Variants in ZNF469 observed in about 807,000 individuals in gnomAD.
ZNF469 encodes zinc finger protein 469.
In ZNF469, 1 loss-of-function variant was observed where a neutral mutation model predicts 1.0. That is an observed-to-expected ratio of 1.00 (90% CI 0.35 to 4.73). ZNF469 has a LOEUF of 4.73. ZNF469 is among the 30% of genes most tolerant of loss of function. ZNF469 has a pLI of 0.16. For synonymous variants in ZNF469, 2,703 were observed against 2,363.4 expected, an observed-to-expected ratio of 1.14 and a Z score of -4.17; for missense variants, 6,100 against 5,356.3, an observed-to-expected ratio of 1.14 and a Z score of -4.33.
the ZNF469 span, among the ~76,000 whole-genome samples, chr16:88,279,623 C>T: frequency 0.098 from 6,251 of 63,696 alleles, 603 homozygotes; most frequent in East Asian, 0.25. Flanking sequence ...GTTAGTGCCG[C>T]GCCACACTGA....
At chr16:88,301,571 G>A in the ZNF469 span, among the ~76,000 whole-genome samples, 1 of 152,232 alleles carries the variant, frequency 6.6e-6, no homozygotes. Flanking sequence ...CGTCAGGCGA[G>A]TAGGGGACAC....
At chr16:88,374,724 G>C in the ZNF469 span, among the ~76,000 whole-genome samples, 1 of 152,142 alleles carries the variant, frequency 6.6e-6, no homozygotes, top group Admixed American at 6.5e-5. Flanking sequence ...CACCATGTGC[G>C]GTGGGCTGAG....
chr16:88,337,712 C>T, the ZNF469 span, among the ~76,000 whole-genome samples: 2 of 152,302 alleles, frequency 1.3e-5, no homozygotes, highest in African/African-American at 2.4e-5. Flanking sequence ...ACCCCACGGG[C>T]GTCAGGGGCA....
the ZNF469 span, among the ~76,000 whole-genome samples, chr16:88,319,814 G>A: frequency 6.6e-6 from 1 of 152,208 alleles, no homozygotes; most frequent in Non-Finnish European, 1.5e-5. Flanking sequence ...TGCCCTACAG[G>A]TGGGACCCTG....
At chr16:88,364,214 A>G in the ZNF469 span, among the ~76,000 whole-genome samples, 16 of 152,200 alleles carry the variant, frequency 1.1e-4, no homozygotes, top group Non-Finnish European at 1.9e-4. Flanking sequence ...TTTACTGAAA[A>G]TACTATCATT....
At chr16:88,193,177 G>C in the ZNF469 span, among the ~76,000 whole-genome samples, 1 of 22,470 alleles carries the variant, frequency 4.5e-5, no homozygotes, top group Non-Finnish European at 8.8e-5. Flanking sequence ...GGTGGGGATG[G>C]TGGTGATGGT....
chr16:88,175,135 T>A, the ZNF469 span, among the ~76,000 whole-genome samples: 1 of 152,190 alleles, frequency 6.6e-6, no homozygotes, highest in East Asian at 1.9e-4. Context: ...CCTGCCAGGA[T>A]AATCTCCCCT....
the ZNF469 span, among the ~76,000 whole-genome samples, chr16:88,261,896 A>T: frequency 6.6e-6 from 1 of 152,220 alleles, no homozygotes; most frequent in South Asian, 2.1e-4. The surrounding 1 kb of genome is among the most constrained non-coding windows in gnomAD (Gnocchi z 6.0). Flanking sequence ...GAGGACTCGG[A>T]GGCCCCCTCT....
At chr16:88,281,626 G>A in the ZNF469 span, among the ~76,000 whole-genome samples, 12 of 150,390 alleles carry the variant, frequency 8.0e-5, no homozygotes, top group African/African-American at 1.5e-4. Context: ...GTGCCACACC[G>A]ATGCTTGGTC....
chr16:88,330,882 G>A, the ZNF469 span, among the ~76,000 whole-genome samples: 1 of 152,192 alleles, frequency 6.6e-6, no homozygotes, highest in African/African-American at 2.4e-5. Context: ...AATGGTTTGT[G>A]CAGACTGAGA....
chr16:88,339,993 C>T, the ZNF469 span, among the ~76,000 whole-genome samples: 3 of 152,018 alleles, frequency 2.0e-5, no homozygotes, highest in Non-Finnish European at 4.4e-5. Context: ...AGATACAAAC[C>T]TTGGTCATCT....
chr16:88,174,965 T>A, the ZNF469 span, among the ~76,000 whole-genome samples: 7 of 151,424 alleles, frequency 4.6e-5, no homozygotes, highest in South Asian at 1.3e-3. Flanking sequence ...TGTGTGTAAA[T>A]GAAATTGGCT....
chr16:88,428,042 T>C lies in ZNF469; in HGVS notation c.572T>C (p.Phe191Ser). Residue 191 changes from phenylalanine (F) to serine (S), a missense_variant, in exon 3 of 3, where the codon TTT becomes TCT. Physicochemically the swap from Phe to Ser is radical, Grantham distance 155. Coordinates refer to ENST00000565624, the MANE Select transcript of ZNF469 (RefSeq NM_001367624.2). ...TGCTTCCAGGAGCCACCCTCCAGCTTTACCTCCACCAACTATACCTCACCA... is the reference window on the plus strand; with the variant it reads ...TGCTTCCAGGAGCCACCCTCCAGCTCTACCTCCACCAACTATACCTCACCA... ...HRCFQEPPSS[F>S]TSTNYTSPSA... 3 of 1,549,656 alleles carry C rather than the reference T, an allele frequency of 1.9e-6. No homozygotes were observed. Among genetic ancestry groups the C allele is most frequent in the Middle Eastern group, 3.3e-4 (2 of 5,992 alleles).
At chr16:88,340,328 C>A in the ZNF469 span, among the ~76,000 whole-genome samples, 40 of 152,302 alleles carry the variant, frequency 2.6e-4, no homozygotes, top group African/African-American at 9.1e-4. Context: ...GGCCAGGTGA[C>A]ATGAACAGGT....
chr16:88,332,050 C>T, the ZNF469 span, among the ~76,000 whole-genome samples: 2 of 152,354 alleles, frequency 1.3e-5, no homozygotes, highest in East Asian at 1.9e-4. Context: ...TGGCAGCCCC[C>T]GAGTCCCCTT....
In ZNF469 at chr16:88,437,874, C is replaced by T. The variant is rs1597214571; in HGVS notation, c.10404C>T (p.Gly3468=). ...APGQKARALE[G]TLPSKRRRVA... Reference sequence around the variant, plus strand: ...GACAGAAGGCCCGGGCCCTCGAGGGCACACTGCCCAGCAAACGGCGCAGGG... The same window carrying T: ...GACAGAAGGCCCGGGCCCTCGAGGGTACACTGCCCAGCAAACGGCGCAGGG... The change falls in exon 3 of 3, where the codon GGC becomes GGT. Residue 3468 remains glycine (G), a synonymous_variant. Transcript: ENST00000565624. 10 of 1,539,406 alleles carry T rather than the reference C, an allele frequency of 6.5e-6. No homozygotes were observed. The highest frequency in any genetic ancestry group is 8.8e-6 in the Non-Finnish European group (10 of 1,139,392).
At chr16:88,189,610 GC>G in the ZNF469 span, among the ~76,000 whole-genome samples, 2 of 152,306 alleles carry the variant, frequency 1.3e-5, no homozygotes, top group South Asian at 4.2e-4. The surrounding 1 kb of genome is among the most constrained non-coding windows in gnomAD (Gnocchi z 4.3). Flanking sequence ...TGTTTTCTGT[GC>G]TAATTGTTGC....
chr16:88,362,659 T>G, the ZNF469 span, among the ~76,000 whole-genome samples: 5 of 152,210 alleles, frequency 3.3e-5, no homozygotes, highest in Non-Finnish European at 7.4e-5. Flanking sequence ...CCATTTATCT[T>G]TGGTTTTCAG....
chr16:88,386,485 T>A (rs543287942), intron 1 of ZNF469, among the ~76,000 whole-genome samples: 19 of 152,160 alleles, frequency 1.2e-4, no homozygotes, highest in African/African-American at 4.3e-4. Flanking sequence ...GCATCCTGCA[T>A]CCCACCTCCC....
Sources: allele counts gnomAD v4.1 joint callset (sites outside exome capture counted in the v4.1 genomes callset), GRCh38; gene constraint gnomAD v4.1.1; non-coding constraint Gnocchi (gnomAD v3.1); transcripts MANE v1.5; gene names NCBI Gene and HGNC (gene_info 2026-07-23, HGNC 2026-07-21).